The following AK9 variants were observed in gnomAD, a reference collection of about 807,000 sequenced individuals.
AK9 encodes adenylate kinase 9.
AK9 carries 191 observed loss-of-function variants against 239.6 expected under a neutral mutation model. The ratio of observed to expected loss-of-function variants is 0.80; its 90% CI spans 0.71 to 0.90. The LOEUF is 0.90. Among genes scored for constraint, AK9 ranks in the 40% least tolerant of loss-of-function variants. The probability of loss-of-function intolerance (pLI) is 0.00; values close to 1 mark genes in which losing one functional copy is unlikely to be tolerated. For missense variants in AK9, 1,995 were observed against 2,214.7 expected (o/e 0.90, Z 1.99); for synonymous variants, 689 against 721.0 (o/e 0.96, Z 0.71).
chr6:109,604,715 G>C (rs1351187281), intron 17 of AK9, among the ~76,000 whole-genome samples: 2 of 152,164 alleles, frequency 1.3e-5, no homozygotes, highest in Non-Finnish European at 2.9e-5. Flanking sequence ...AGAAACTTTA[G>C]AGTGATGCTG....
At chr6:109,687,207 C>A (rs897639791) in intron 1 of AK9, among the ~76,000 whole-genome samples, 1 of 152,046 alleles carries the variant, frequency 6.6e-6, no homozygotes, top group Non-Finnish European at 1.5e-5. Flanking sequence ...ATTTGGAGGA[C>A]AATGCGGATT....
At chr6:109,680,514 A>G (rs890123859) in intron 1 of AK9, among the ~76,000 whole-genome samples, 45 of 152,364 alleles carry the variant, frequency 3.0e-4, no homozygotes, top group Non-Finnish European at 1.6e-4. Flanking sequence ...GAATGGAATC[A>G]AGTTGGAAAA....
In AK9 at chr6:109,549,872, G is replaced by T. The variant is rs1271007193; in HGVS notation, c.2964+218C>A. On this transcript the variant is annotated intron_variant, in intron 25 of 40. Transcript: ENST00000424296. Reference sequence around the variant, plus strand: ...GTAGAGACGGGGTTTCACCGTGTCAGCCAGGATGGTCTCGATCTCCTGACC... The same window carrying T: ...GTAGAGACGGGGTTTCACCGTGTCATCCAGGATGGTCTCGATCTCCTGACC... The T allele has an allele frequency of 3.1e-5, 12 of 389,566 alleles. No individual in the cohort carries two copies. The Admixed American group carries it at 5.2e-4, about 17-fold the overall frequency. 24.1% of individuals were successfully genotyped at this position (389,566 alleles called of 1,614,324 possible).
chr6:109,530,025 T>G (rs1781026308), intron 28 of AK9, among the ~76,000 whole-genome samples: 1 of 152,202 alleles, frequency 6.6e-6, no homozygotes, highest in South Asian at 2.1e-4. Context: ...TGTATGTGGT[T>G]GGCAGACAGT....
At chr6:109,641,142 AAT>A (rs34481434) in intron 10 of AK9, among the ~76,000 whole-genome samples, 100,623 of 145,234 alleles carry the variant, frequency 0.69, 35,333 homozygotes, top group East Asian at 0.99. Flanking sequence ...TATATGAATA[AAT>A]ATATATATAT....
At chr6:109,587,907 A>G (rs1477033735) in intron 17 of AK9, among the ~76,000 whole-genome samples, 1 of 152,206 alleles carries the variant, frequency 6.6e-6, no homozygotes, top group Non-Finnish European at 1.5e-5. Flanking sequence ...ATTCCCATTA[A>G]CAGTGTATAA....
intron 16 of AK9, among the ~76,000 whole-genome samples, 191 bp downstream of exon 16, chr6:109,611,819 A>C (rs538145472): frequency 2.0e-5 from 3 of 152,298 alleles, no homozygotes; most frequent in African/African-American, 7.2e-5. Context: ...CAACATATCA[A>C]GTATTAGTTT....
chr6:109,546,147 A>AG lies in AK9; in HGVS notation c.2965-21dup. 5.3e-6 allele frequency: 3 copies of AG among 565,748 alleles called. No individual in the cohort carries two copies. The highest frequency in any genetic ancestry group is 2.3e-5 in the Admixed American group (1 of 42,786). 35.0% of individuals were successfully genotyped at this position (565,748 alleles called of 1,614,324 possible). A position where few individuals can be genotyped will look rare whatever the true frequency, so the allele number is the denominator to read the frequency against. The stretch of plus-strand genomic sequence containing the variant: ...AGGAGCCTGTCACAGGGGGTGGGTC[A>AG]GGGAGGGGTGGGATAAAGGGAGAGT... On this transcript the variant is annotated intron_variant, in intron 25 of 40. Transcript: ENST00000424296.
At position 109,566,187 on chromosome 6, in the gene AK9, A is replaced by T. The variant is rs2128186508; in HGVS notation, c.2345-1342T>A. On this transcript the variant is annotated intron_variant, in intron 21 of 40. Transcript: ENST00000424296. ...TGCATTAACCTATATCAGATATAACAGGTCTATATCTGAGAATGCCAGGCA... is the reference window on the plus strand; with the variant it reads ...TGCATTAACCTATATCAGATATAACTGGTCTATATCTGAGAATGCCAGGCA... Among the ~76,000 whole-genome samples the T allele has an allele frequency of 1.3e-5, 2 of 152,224 alleles. 1 individual carries two copies. Among genetic ancestry groups the T allele is most frequent in the Middle Eastern group, 6.8e-3 (2 of 294 alleles).
intron 8 of AK9, among the ~76,000 whole-genome samples, chr6:109,652,835 T>A (rs573396249): frequency 1.3e-5 from 2 of 152,242 alleles, no homozygotes; most frequent in Non-Finnish European, 2.9e-5. Context: ...CTCATTGATA[T>A]AAATATATGC....
intron 19 of AK9, among the ~76,000 whole-genome samples, chr6:109,580,272 TC>T (rs1485176616): frequency 2.0e-5 from 3 of 152,096 alleles, no homozygotes; most frequent in Non-Finnish European, 4.4e-5. Flanking sequence ...CTGGGGGGAA[TC>T]TGTTTTTCAT....
chr6:109,532,325 G>A (rs910179708), intron 28 of AK9, among the ~76,000 whole-genome samples: 1 of 152,110 alleles, frequency 6.6e-6, no homozygotes, highest in African/African-American at 2.4e-5. Context: ...TTCCCTTGAG[G>A]CCACGTGGAG....
At chr6:109,503,779 G>A (rs985002467) in intron 35 of AK9, among the ~76,000 whole-genome samples, 1 of 152,124 alleles carries the variant, frequency 6.6e-6, no homozygotes, top group Non-Finnish European at 1.5e-5. Flanking sequence ...GCTCACAGCT[G>A]GACTGGAAAT....
At position 109,497,960 on chromosome 6, in the gene AK9, GA is replaced by G; in HGVS notation, c.5051del (p.Phe1684SerfsTer12). 6.2e-7 allele frequency: 1 copy of G among 1,612,752 alleles called. No homozygotes were observed. Among genetic ancestry groups the G allele is most frequent in the Non-Finnish European group, 8.5e-7 (1 of 1,179,002 alleles). ...GCACGTACAATTCTGGGTTCTCCAAGAATTTCTATTAAAAAAGAATTCCAGT... is the reference window on the plus strand; with the variant it reads ...GCACGTACAATTCTGGGTTCTCCAAGATTTCTATTAAAAAAGAATTCCAGT... Reference protein sequence around the residue: ...KMSSQEKLNKFLENPELYVPP... With the variant: ...KMSSQEKLNKXLENPELYVPP... On this transcript the variant is annotated frameshift_variant, in exon 37 of 41. Coordinates refer to ENST00000424296, the MANE Select transcript of AK9 (RefSeq NM_001145128.3). LOFTEE classifies it high-confidence loss of function.
chr6:109,650,349 C>T (rs1562552683), intron 8 of AK9, among the ~76,000 whole-genome samples: 1 of 151,898 alleles, frequency 6.6e-6, no homozygotes, highest in South Asian at 2.1e-4. Context: ...GACAATGGGC[C>T]AATATCCAGA....
At chr6:109,587,015 C>G (rs567892089) in intron 17 of AK9, among the ~76,000 whole-genome samples, 1 of 151,844 alleles carries the variant, frequency 6.6e-6, no homozygotes, top group East Asian at 1.9e-4. Flanking sequence ...GCTATGTTGT[C>G]GAGGCTGGTT....
chr6:109,643,835 G>GC (rs1797736636), intron 9 of AK9, among the ~76,000 whole-genome samples: 1 of 152,078 alleles, frequency 6.6e-6, no homozygotes, highest in Admixed American at 6.5e-5. Flanking sequence ...TCTTCCCTCA[G>GC]CATGGAACAC....
intron 27 of AK9, among the ~76,000 whole-genome samples, chr6:109,538,930 G>A (rs1782436472): frequency 6.6e-6 from 1 of 152,028 alleles, no homozygotes; most frequent in African/African-American, 2.4e-5. Flanking sequence ...TTGAATATTG[G>A]CCCCCACTCT....
intron 27 of AK9, among the ~76,000 whole-genome samples, chr6:109,539,386 T>G (rs929550907): frequency 3.3e-5 from 5 of 152,246 alleles, no homozygotes; most frequent in Non-Finnish European, 5.9e-5. Flanking sequence ...TTCTTCCAGT[T>G]GATCGAATTG....
Sources: allele counts gnomAD v4.1 joint callset (sites outside exome capture counted in the v4.1 genomes callset), GRCh38; gene constraint gnomAD v4.1.1; transcripts MANE v1.5; gene names NCBI Gene and HGNC (gene_info 2026-07-23, HGNC 2026-07-21).